The following TRHDE variants were observed in gnomAD, a reference collection of about 807,000 sequenced individuals.
TRHDE encodes the protein thyrotropin releasing hormone degrading enzyme.
In TRHDE, 72 loss-of-function variants were observed where a neutral mutation model predicts 125.7. The ratio of observed to expected loss-of-function variants is 0.57; its 90% CI spans 0.47 to 0.70. The LOEUF (loss-of-function observed/expected upper bound fraction) is 0.70, where lower values mean the gene tolerates loss of function less well. TRHDE is among the 30% of genes least tolerant of loss of function. The pLI is 0.00. For missense variants in TRHDE, 1,110 were observed against 1,327.1 expected, an observed-to-expected ratio of 0.84 and a Z score of 2.54; for synonymous variants, 509 against 509.1, an observed-to-expected ratio of 1.00 and a Z score of 0.00.
chr12:72,121,572 C>G (rs1395236558), intron 2 of TRHDE, among the ~76,000 whole-genome samples: 1 of 152,188 alleles, frequency 6.6e-6, no homozygotes, highest in Non-Finnish European at 1.5e-5. Flanking sequence ...TCACTCCATG[C>G]CATGCAGCCA....
At chr12:72,145,939 A>G (rs1235295019) in intron 2 of TRHDE, among the ~76,000 whole-genome samples, 2 of 152,204 alleles carry the variant, frequency 1.3e-5, no homozygotes, top group Non-Finnish European at 2.9e-5. Flanking sequence ...AGATTCCTAA[A>G]AGTAAACTTG....
In TRHDE at chr12:72,176,048, C is replaced by T. The variant is rs150299270; in HGVS notation, n.279+70296C>T. Among the ~76,000 whole-genome samples the T allele has an allele frequency of 3.3e-5, 5 of 152,266 alleles. No homozygotes were observed. The South Asian group carries it at 8.3e-4, about 25-fold the overall frequency. On this transcript the variant is annotated intron_variant and non_coding_transcript_variant, in intron 2 of 4. Transcript: ENST00000548156. Reference sequence around the variant, plus strand: ...TGGACCACCTTGTCAGTCAGAGAACCCTGTGTCTGGCTAAAATTTCTGGTC... The same window carrying T: ...TGGACCACCTTGTCAGTCAGAGAACTCTGTGTCTGGCTAAAATTTCTGGTC...
intron 2 of TRHDE, among the ~76,000 whole-genome samples, chr12:72,146,994 C>G (rs1324101105): frequency 6.6e-6 from 1 of 152,166 alleles, no homozygotes; most frequent in African/African-American, 2.4e-5. Context: ...TCTTCTCCAA[C>G]GGCCCTGGCC....
intron 12 of TRHDE, among the ~76,000 whole-genome samples, chr12:72,602,922 A>G (rs1341874860): frequency 6.6e-6 from 1 of 152,314 alleles, no homozygotes; most frequent in Non-Finnish European, 1.5e-5. Context: ...TCAACTATGG[A>G]TGGTATTTAA....
At chr12:72,435,899 T>C (rs575030683) in intron 3 of TRHDE, among the ~76,000 whole-genome samples, 12 of 152,126 alleles carry the variant, frequency 7.9e-5, no homozygotes, top group African/African-American at 2.9e-4. Flanking sequence ...TCTGGCTCAT[T>C]AAGTAGGAAA....
At chr12:72,362,247 T>C (rs1253775989) in intron 2 of TRHDE, among the ~76,000 whole-genome samples, 9 of 148,916 alleles carry the variant, frequency 6.0e-5, no homozygotes, top group African/African-American at 2.2e-4. Context: ...TTTTTAATGA[T>C]TGCCATTCTA....
intron 3 of TRHDE, among the ~76,000 whole-genome samples, chr12:72,459,231 T>C (rs1231686110): frequency 6.6e-6 from 1 of 152,194 alleles, no homozygotes; most frequent in Non-Finnish European, 1.5e-5. Context: ...TGTGATGATA[T>C]TGGGTCCACC....
intron 3 of TRHDE, 21 bp from the exon 4 acceptor site, chr12:72,469,737 A>T (rs1289344733): frequency 6.2e-7 from 1 of 1,611,294 alleles, no homozygotes; most frequent in Non-Finnish European, 8.5e-7. Context: ...AGCCTTTGGA[A>T]CTGTTTTATT....
intron 2 of TRHDE, among the ~76,000 whole-genome samples, chr12:72,185,770 G>T (rs1405638680): frequency 6.6e-6 from 1 of 150,770 alleles, no homozygotes; most frequent in African/African-American, 2.5e-5. Context: ...CTAGCTCAGG[G>T]ATTGTAAATA....
intron 1 of TRHDE, among the ~76,000 whole-genome samples, chr12:72,279,374 T>TA (rs1879610812): frequency 1.3e-5 from 2 of 152,108 alleles, no homozygotes; most frequent in Admixed American, 6.5e-5. Flanking sequence ...TCCCAACCCC[T>TA]AGCAATCATA....
At chr12:72,581,594 A>G (rs531145395) in intron 12 of TRHDE, among the ~76,000 whole-genome samples, 2 of 152,286 alleles carry the variant, frequency 1.3e-5, no homozygotes, top group East Asian at 3.9e-4. Context: ...TAATATCATA[A>G]CATACTTTTT....
chr12:72,571,836 GCATTATTTTGTCCC>G (rs1382403458), intron 10 of TRHDE, among the ~76,000 whole-genome samples: 1 of 152,046 alleles, frequency 6.6e-6, no homozygotes, highest in East Asian at 1.9e-4. Context: ...TTTCAAATGT[GCATTATTTTGTCCC>G]CATTTTACAA....
At chr12:72,441,443 G>A (rs1875006609) in intron 3 of TRHDE, among the ~76,000 whole-genome samples, 1 of 151,788 alleles carries the variant, frequency 6.6e-6, no homozygotes, top group South Asian at 2.1e-4. Flanking sequence ...TCAGTGAGTA[G>A]TAAGACAGTT....
At chr12:72,484,191 AT>A (rs1346798410) in intron 5 of TRHDE, among the ~76,000 whole-genome samples, 3 of 152,156 alleles carry the variant, frequency 2.0e-5, no homozygotes, top group African/African-American at 7.2e-5. Context: ...TGTCTGCAAA[AT>A]ATTGGAGATT....
At chr12:72,380,760 T>TTCCTTCCTTCCTTCCA in intron 3 of TRHDE, among the ~76,000 whole-genome samples, 5 of 92,830 alleles carry the variant, frequency 5.4e-5, no homozygotes, top group African/African-American at 3.1e-4. Context: ...CCTTCCTTCC[T>TTCCTTCCTTCCTTCCA]TCCTTGCTTC....
chr12:72,453,049 T>C (rs1480614067), intron 3 of TRHDE, among the ~76,000 whole-genome samples: 1 of 152,106 alleles, frequency 6.6e-6, no homozygotes, highest in Non-Finnish European at 1.5e-5. Context: ...TACAGACAAA[T>C]ATGGAAACAG....
intron 1 of TRHDE, among the ~76,000 whole-genome samples, chr12:72,277,878 A>T (rs1482584372): frequency 6.6e-6 from 1 of 152,172 alleles, no homozygotes; most frequent in African/African-American, 2.4e-5. Flanking sequence ...GTTTTGAAGT[A>T]TGCATACATT....
At chr12:72,566,417 TTAAC>T (rs1235321764) in intron 9 of TRHDE, among the ~76,000 whole-genome samples, 42 of 151,980 alleles carry the variant, frequency 2.8e-4, no homozygotes, top group Admixed American at 9.2e-4. Context: ...AACCTTATAG[TTAAC>T]TTGTATCTGA....
rs563166363 is a variant in TRHDE, at chr12:72,533,455, G to A, written c.1723-8836G>A. 3.0e-4 allele frequency among the ~76,000 whole-genome samples: 46 copies of A among 152,266 alleles called. 1 individual carries two copies. Among genetic ancestry groups the A allele is most frequent in the African/African-American group, 9.9e-4 (41 of 41,566 alleles). On this transcript the variant is annotated intron_variant, in intron 6 of 18. Transcript: ENST00000261180. ...CCCAAAGTGCTGGGATTACAGGCGT[G>A]AGCCACCATGCCCAGCTGAAAATTA...
Sources: gnomAD v4.1 joint callset for allele counts (sites outside exome capture counted in the v4.1 genomes callset) on GRCh38, gnomAD v4.1.1 for gene constraint, MANE v1.5 for transcripts, NCBI Gene and HGNC (gene_info 2026-07-23, HGNC 2026-07-21) for gene names.